CPNE8: variants seen among roughly 807,000 people sequenced by gnomAD.
CPNE8 encodes the protein copine 8, also known as copine-8.
A neutral mutation model predicts 81.5 loss-of-function variants in CPNE8; 45 were observed. The observed-to-expected ratio is 0.55, with a 90% CI of 0.44 to 0.71. The LOEUF (loss-of-function observed/expected upper bound fraction) is 0.71. Ranked by LOEUF, CPNE8 falls within the 30% of genes least tolerant of loss-of-function variation. The pLI is 0.00. For synonymous variants in CPNE8, 252 were observed against 226.3 expected (o/e 1.11, Z -1.02); for missense variants, 594 against 672.1 (o/e 0.88, Z 1.28).
intron 15 of CPNE8, among the ~76,000 whole-genome samples, chr12:38,690,787 A>G (rs1382808647): frequency 6.6e-6 from 1 of 152,206 alleles, no homozygotes; most frequent in East Asian, 1.9e-4. Context: ...TCCTTTTCTT[A>G]GGCTTTAAAA....
chr12:38,789,678 A>G (rs1477969952), intron 6 of CPNE8, among the ~76,000 whole-genome samples: 1 of 151,878 alleles, frequency 6.6e-6, no homozygotes, highest in African/African-American at 2.4e-5. Context: ...ATAAGAGAAA[A>G]TATTTGCAAA....
intron 6 of CPNE8, among the ~76,000 whole-genome samples, chr12:38,818,798 T>C (rs1385004691): frequency 1.3e-5 from 2 of 152,180 alleles, no homozygotes; most frequent in East Asian, 1.9e-4. Flanking sequence ...ACATCTGTTG[T>C]TTCCTGACTT....
chr12:38,751,169 C>A (rs1183342059), intron 10 of CPNE8, among the ~76,000 whole-genome samples: 2 of 152,138 alleles, frequency 1.3e-5, no homozygotes, highest in African/African-American at 4.8e-5. Flanking sequence ...AATTGTATGT[C>A]CAGTGAAACT....
chr12:38,833,277 C>T (rs943160011), intron 5 of CPNE8, among the ~76,000 whole-genome samples: 6 of 147,730 alleles, frequency 4.1e-5, no homozygotes, highest in South Asian at 4.4e-4. Flanking sequence ...CGCTTGATCC[C>T]GGAGGCAGAG....
intron 13 of CPNE8, among the ~76,000 whole-genome samples, chr12:38,706,263 T>A (rs978690173): frequency 6.6e-6 from 1 of 152,120 alleles, no homozygotes; most frequent in African/African-American, 2.4e-5. Context: ...TGTGACCAAA[T>A]GAGCTTTTAA....
chr12:38,840,946 C>A (rs1476730991), intron 4 of CPNE8, among the ~76,000 whole-genome samples: 2 of 152,122 alleles, frequency 1.3e-5, no homozygotes, highest in Non-Finnish European at 2.9e-5. Context: ...GTCTTTCTCC[C>A]AAATCATATT....
intron 6 of CPNE8, among the ~76,000 whole-genome samples, chr12:38,826,129 A>G (rs77748733): frequency 0.011 from 1,609 of 152,294 alleles, 15 homozygotes; most frequent in East Asian, 0.053. Context: ...AAACTTGCCT[A>G]GCTAAGTTTT....
At chr12:38,800,908 C>T (rs1266539460) in intron 6 of CPNE8, among the ~76,000 whole-genome samples, 1 of 115,834 alleles carries the variant, frequency 8.6e-6, no homozygotes, top group Non-Finnish European at 1.8e-5. Context: ...AGGGTATCAG[C>T]AATGGAAGAT....
chr12:38,752,760 A>G (rs1276788391), intron 10 of CPNE8, among the ~76,000 whole-genome samples: 1 of 152,268 alleles, frequency 6.6e-6, no homozygotes, highest in Non-Finnish European at 1.5e-5. Flanking sequence ...TACCAGAATT[A>G]GAATTTAATT....
chr12:38,696,988 A>G (rs1939813563), intron 14 of CPNE8, among the ~76,000 whole-genome samples: 1 of 152,188 alleles, frequency 6.6e-6, no homozygotes. Flanking sequence ...TGGAGGTTGC[A>G]GTGAGCTGAG....
chr12:38,845,590 A>G (rs750356595), intron 4 of CPNE8, among the ~76,000 whole-genome samples: 3 of 148,794 alleles, frequency 2.0e-5, no homozygotes, highest in Non-Finnish European at 2.9e-5. Flanking sequence ...TTAAAAACCA[A>G]TATCACAGGT....
intron 11 of CPNE8, among the ~76,000 whole-genome samples, chr12:38,728,211 C>T (rs183627057): frequency 6.6e-6 from 1 of 152,214 alleles, no homozygotes; most frequent in Admixed American, 6.5e-5. Context: ...CCACACTTTT[C>T]TATACATAGA....
intron 16 of CPNE8, among the ~76,000 whole-genome samples, chr12:38,679,994 C>A (rs1939374878): frequency 6.6e-6 from 1 of 151,664 alleles, no homozygotes; most frequent in Non-Finnish European, 1.5e-5. Flanking sequence ...ATGGGGAATC[C>A]TTTTATAAAT....
intron 6 of CPNE8, among the ~76,000 whole-genome samples, chr12:38,808,520 G>A (rs149802018): frequency 0.024 from 3,490 of 145,180 alleles, 133 homozygotes; most frequent in African/African-American, 0.084. Flanking sequence ...TCCAAACACC[G>A]CATATTCTCA....
At chr12:38,852,099 CT>C (rs1337288264) in intron 3 of CPNE8, among the ~76,000 whole-genome samples, 1 of 152,102 alleles carries the variant, frequency 6.6e-6, no homozygotes, top group East Asian at 1.9e-4. Context: ...TGTCTTCCCC[CT>C]TAATAAAACT....
At chr12:38,655,865 C>T (rs1011147305) in intron 19 of CPNE8, among the ~76,000 whole-genome samples, 1 of 151,780 alleles carries the variant, frequency 6.6e-6, no homozygotes, top group African/African-American at 2.4e-5. Context: ...TTTGTCTTTA[C>T]ACCCTATTTC....
intron 5 of CPNE8, among the ~76,000 whole-genome samples, chr12:38,833,758 A>G (rs1265019826): frequency 6.6e-6 from 1 of 152,042 alleles, no homozygotes; most frequent in Non-Finnish European, 1.5e-5. Context: ...GATTACAGGT[A>G]TGAGCCACCG....
intron 4 of CPNE8, among the ~76,000 whole-genome samples, chr12:38,840,398 G>T (rs1270766737): frequency 1.3e-5 from 2 of 152,050 alleles, no homozygotes; most frequent in African/African-American, 4.8e-5. Context: ...TCTGTATATT[G>T]CCAGGATAAA....
intron 3 of CPNE8, among the ~76,000 whole-genome samples, chr12:38,856,420 C>T (rs1223424473): frequency 5.9e-5 from 9 of 152,030 alleles, no homozygotes; most frequent in Admixed American, 2.6e-4. Flanking sequence ...AAATTATAGA[C>T]CAATATCCTT....
Sources: allele counts gnomAD v4.1 joint callset (sites outside exome capture counted in the v4.1 genomes callset), GRCh38; gene constraint gnomAD v4.1.1; transcripts MANE v1.5; gene names NCBI Gene and HGNC (gene_info 2026-07-23, HGNC 2026-07-21).